IL1RAPL1: variants seen among roughly 807,000 people sequenced by gnomAD.
The protein encoded by IL1RAPL1 is interleukin 1 receptor accessory protein like 1.
In IL1RAPL1, 3 loss-of-function variants were observed where a neutral mutation model predicts 48.4. The observed-to-expected ratio is 0.06, with a 90% confidence interval of 0.03 to 0.16. IL1RAPL1 has a LOEUF of 0.16. IL1RAPL1 is among the 10% of genes least tolerant of loss of function. The pLI is 1.00. For synonymous variants in IL1RAPL1, 185 were observed against 187.7 expected (o/e 0.99, Z 0.12); for missense variants, 349 against 530.6 (o/e 0.66, Z 3.36).
At chrX:29,090,437 A>T (rs992686487) in intron 2 of IL1RAPL1, among the ~76,000 whole-genome samples, 2 of 111,987 alleles carry the variant, frequency 1.8e-5, no homozygotes, top group Non-Finnish European at 3.8e-5. Context: ...TTTACATTTA[A>T]TTAATGAGAA....
chrX:29,565,105 T>C (rs780078691), intron 5 of IL1RAPL1, among the ~76,000 whole-genome samples: 1 of 112,051 alleles, frequency 8.9e-6, no homozygotes, highest in South Asian at 3.7e-4. Flanking sequence ...AAGCAATGAC[T>C]GTGACATGAC....
intron 1 of IL1RAPL1, among the ~76,000 whole-genome samples, chrX:28,661,676 T>G (rs1465518479): frequency 8.9e-6 from 1 of 111,988 alleles, no homozygotes; most frequent in Non-Finnish European, 1.9e-5. Flanking sequence ...TATTAATTAC[T>G]AAAAGTGTTA....
At chrX:28,682,227 T>C (rs938238452) in intron 1 of IL1RAPL1, among the ~76,000 whole-genome samples, 4 of 112,190 alleles carry the variant, frequency 3.6e-5, no homozygotes, top group Non-Finnish European at 7.5e-5. Context: ...TTTTTGGCTA[T>C]TGGGAATAGT....
intron 2 of IL1RAPL1, among the ~76,000 whole-genome samples, chrX:29,249,449 G>T (rs1487700424): frequency 1.8e-5 from 2 of 111,319 alleles, no homozygotes; most frequent in Non-Finnish European, 3.8e-5. Flanking sequence ...GATAGTTTTT[G>T]CCTGATTAAT....
intron 5 of IL1RAPL1, among the ~76,000 whole-genome samples, chrX:29,623,173 T>C (rs1924517451): frequency 9.5e-6 from 1 of 105,114 alleles, no homozygotes; most frequent in Admixed American, 1.0e-4. Context: ...TCCCAGCTAC[T>C]CGGGAGGCTG....
intron 1 of IL1RAPL1, among the ~76,000 whole-genome samples, chrX:28,768,721 C>G (rs1183260732): frequency 0.01 from 683 of 65,891 alleles, 10 homozygotes; most frequent in East Asian, 0.065. Context: ...CTCTCTCTCT[C>G]TCTCTCTGTC....
intron 6 of IL1RAPL1, among the ~76,000 whole-genome samples, chrX:29,841,056 G>A (rs923871727): frequency 1.8e-5 from 2 of 111,618 alleles, no homozygotes; most frequent in African/African-American, 6.5e-5. Context: ...TGTCTGAGGT[G>A]TGCCCTATAT....
intron 9 of IL1RAPL1, among the ~76,000 whole-genome samples, chrX:29,951,181 C>A (rs1933313103): frequency 8.9e-6 from 1 of 111,800 alleles, no homozygotes; most frequent in African/African-American, 3.3e-5. Context: ...GGGTGTGAGT[C>A]ATGTGATACC....
chrX:29,021,394 A>G (rs1926366063), intron 2 of IL1RAPL1, among the ~76,000 whole-genome samples: 1 of 110,527 alleles, frequency 9.0e-6, no homozygotes, highest in African/African-American at 3.3e-5. Flanking sequence ...TCTGTGACTG[A>G]TATGTCACAA....
chrX:29,230,504 CAAAAAAAAAAAAAAAAAAA>C (rs60539139), intron 2 of IL1RAPL1, among the ~76,000 whole-genome samples: 1 of 16,589 alleles, frequency 6.0e-5, no homozygotes, highest in Non-Finnish European at 9.4e-5. Context: ...GTCCCTTTAC[CAAAAAAAAAAAAAAAAAAA>C]AAAAAAAAAA....
chrX:29,707,532 G>A (rs1346792705), intron 6 of IL1RAPL1, among the ~76,000 whole-genome samples: 1 of 111,995 alleles, frequency 8.9e-6, no homozygotes, highest in Non-Finnish European at 1.9e-5. Context: ...TATGGAACCA[G>A]CCCAAATGCC....
chrX:29,950,545 A>G (rs1933292606), intron 9 of IL1RAPL1, among the ~76,000 whole-genome samples: 1 of 111,588 alleles, frequency 9.0e-6, no homozygotes, highest in Non-Finnish European at 1.9e-5. Context: ...TATAAATTCT[A>G]GGAACCTACT....
At chrX:28,786,050 A>G (rs1352796753) in intron 1 of IL1RAPL1, among the ~76,000 whole-genome samples, 1 of 111,936 alleles carries the variant, frequency 8.9e-6, no homozygotes, top group Non-Finnish European at 1.9e-5. Flanking sequence ...TTACCCTTCA[A>G]GGCCTTCCAG....
At chrX:29,555,463 A>G (rs1317151576) in intron 5 of IL1RAPL1, among the ~76,000 whole-genome samples, 1 of 112,154 alleles carries the variant, frequency 8.9e-6, no homozygotes, top group East Asian at 2.8e-4. Flanking sequence ...AATGAACAGG[A>G]CAGTTTTTCA....
intron 6 of IL1RAPL1, among the ~76,000 whole-genome samples, chrX:29,735,832 C>A (rs575855070): frequency 1.2e-4 from 13 of 112,242 alleles, no homozygotes; most frequent in African/African-American, 4.2e-4. Context: ...TTGGAATCAT[C>A]ATCATTTACA....
intron 2 of IL1RAPL1, among the ~76,000 whole-genome samples, chrX:29,151,132 C>T (rs771257578): frequency 3.6e-5 from 4 of 110,132 alleles, no homozygotes; most frequent in Non-Finnish European, 7.6e-5. Flanking sequence ...AGCTTCAGTG[C>T]TAAAAACAAA....
chrX:28,755,186 G>A (rs1601888697), intron 1 of IL1RAPL1, among the ~76,000 whole-genome samples: 1 of 110,801 alleles, frequency 9.0e-6, no homozygotes, highest in East Asian at 2.9e-4. Context: ...AGTAGAGATG[G>A]GGTTTCACCA....
chrX:28,609,694 A>C (rs1315903771), intron 1 of IL1RAPL1, among the ~76,000 whole-genome samples: 1 of 106,916 alleles, frequency 9.4e-6, no homozygotes, highest in Non-Finnish European at 1.9e-5. Flanking sequence ...TATGCTTCCT[A>C]TTAATTTCTG....
At chrX:29,034,488 A>G (rs1365487503) in intron 2 of IL1RAPL1, among the ~76,000 whole-genome samples, 1 of 112,218 alleles carries the variant, frequency 8.9e-6, no homozygotes, top group Non-Finnish European at 1.9e-5. Context: ...AATAATCTTC[A>G]TTTGATAAAG....
Sources: gnomAD v4.1 joint callset for allele counts (sites outside exome capture counted in the v4.1 genomes callset) on GRCh38, gnomAD v4.1.1 for gene constraint, MANE v1.5 for transcripts, NCBI Gene and HGNC (gene_info 2026-07-23, HGNC 2026-07-21) for gene names.